The following HECW1 variants were observed in gnomAD, a reference collection of about 807,000 sequenced individuals.
HECW1 encodes E3 ubiquitin-protein ligase HECW1.
Under a neutral mutation model 182.3 loss-of-function variants are expected in HECW1, and 61 were observed. The observed-to-expected ratio is 0.33, with a 90% confidence interval of 0.27 to 0.41. The LOEUF is 0.41. HECW1 is among the 10% of genes least tolerant of loss of function. HECW1 has a pLI of 1.00. For missense variants in HECW1, 1,739 were observed against 2,108.9 expected (o/e 0.82, Z 3.44); for synonymous variants, 859 against 832.6 (o/e 1.03, Z -0.55).
intron 8 of HECW1, among the ~76,000 whole-genome samples, chr7:43,433,482 G>A (rs2076614392): frequency 6.6e-6 from 1 of 152,198 alleles, no homozygotes; most frequent in Admixed American, 6.5e-5. Context: ...CCAAGGCTAA[G>A]ACCCACTGGT....
chr7:43,479,755 C>G lies in HECW1; in HGVS notation c.3234+11C>G. 1.2e-6 allele frequency: 2 copies of G among 1,613,808 alleles called. No homozygotes were observed. The highest frequency in any genetic ancestry group is 8.5e-7 in the Non-Finnish European group (1 of 1,179,754). ...TACAGCGCTGGAGAGGTAACCCTCC[C>G]TACACCCCGCCCTACTGTTCACCGG... On this transcript the variant is annotated intron_variant, in intron 17 of 29. Transcript: ENST00000395891.
intron 8 of HECW1, among the ~76,000 whole-genome samples, chr7:43,414,751 A>G (rs910978115): frequency 6.0e-5 from 9 of 149,684 alleles, no homozygotes; most frequent in Non-Finnish European, 1.0e-4. Context: ...TATATGCTGG[A>G]TTACATTTAT....
At chr7:43,491,196 G>A (rs1014525191) in intron 17 of HECW1, among the ~76,000 whole-genome samples, 5 of 152,244 alleles carry the variant, frequency 3.3e-5, no homozygotes, top group Non-Finnish European at 7.3e-5. Context: ...GAGTAAACAA[G>A]TGCTTTGCAG....
rs749449401 is a variant in HECW1, at chr7:43,360,877, G to T, written c.461-9G>T. 1.7e-5 allele frequency: 27 copies of T among 1,610,950 alleles called. No individual in the cohort carries two copies. In the East Asian group the frequency reaches 6.0e-4, roughly 36 times the overall value. ...TACTTCTCAGTCTCATTTTTTGTTTGTCTTTCAGCTGAAACTAAGATCTGC... is the reference window on the plus strand; with the variant it reads ...TACTTCTCAGTCTCATTTTTTGTTTTTCTTTCAGCTGAAACTAAGATCTGC... On this transcript the variant is annotated splice_polypyrimidine_tract_variant and intron_variant, in intron 5 of 29. Transcript: ENST00000395891.
chr7:43,468,924 C>T lies in HECW1; in HGVS notation c.2918C>T (p.Ala973Val). 2 of 1,614,092 alleles carry T rather than the reference C, an allele frequency of 1.2e-6. No individual in the cohort carries two copies. Among genetic ancestry groups the T allele is most frequent in the Non-Finnish European group, 1.7e-6 (2 of 1,179,976 alleles). The change falls in exon 16 of 30, where the codon GCC (alanine) becomes GTC (valine). Residue 973 changes from alanine (A) to valine (V), a missense_variant. By Grantham distance (64) the Ala-to-Val change is moderately conservative (BLOSUM62 0). This residue lies in a region of HECW1 where 971 missense variants were observed against 1,029.1 expected (regional missense o/e 0.94). Transcript: ENST00000395891. ...FFTVLHANYS[A>V]YRVFTSSTCL... is the part of the protein sequence containing the mutation. ...GTCCGCCCTGACCTGTCTCAGAGTG[C>T]CTACCGAGTCTTCACCAGTAGCACC...
intron 5 of HECW1, among the ~76,000 whole-genome samples, chr7:43,352,322 C>T (rs1436788252): frequency 6.6e-6 from 1 of 152,056 alleles, no homozygotes; most frequent in Non-Finnish European, 1.5e-5. Flanking sequence ...TCGAAACTTG[C>T]TTATACTAAA....
chr7:43,120,549 G>A (rs1032772735), intron 2 of HECW1, among the ~76,000 whole-genome samples: 1 of 152,120 alleles, frequency 6.6e-6, no homozygotes, highest in African/African-American at 2.4e-5. Flanking sequence ...CTGACTGACC[G>A]AATGATGTAA....
At position 43,463,682 on chromosome 7, in the gene HECW1, A is replaced by G; in HGVS notation, c.2674A>G (p.Ile892Val). ...AAGGTATCAAAACATTCAGCGAACCATTGCAACAGAGAGGTCCGAAGAAGA... is the reference window on the plus strand; with the variant it reads ...AAGGTATCAAAACATTCAGCGAACCGTTGCAACAGAGAGGTCCGAAGAAGA... ...NRRYQNIQRT[I>V]ATERSEEDSG... is the part of the protein sequence containing the mutation. Residue 892 changes from isoleucine to valine, a missense_variant, in exon 14 of 30, where the codon ATT becomes GTT. Transcript: ENST00000395891. The G allele has an allele frequency of 6.2e-7, 1 of 1,613,988 alleles. No individual in the cohort carries two copies.
At chr7:43,190,403 C>A (rs771729503) in intron 2 of HECW1, among the ~76,000 whole-genome samples, 3 of 152,132 alleles carry the variant, frequency 2.0e-5, no homozygotes, top group African/African-American at 7.2e-5. Flanking sequence ...TGAGCCCCTG[C>A]GCCTGGCCAG....
At chr7:43,516,267 AGGAG>A (rs1250860497) in intron 24 of HECW1, among the ~76,000 whole-genome samples, 2 of 152,180 alleles carry the variant, frequency 1.3e-5, no homozygotes, top group African/African-American at 4.8e-5. Context: ...AAAAAAAGAA[AGGAG>A]GGAGGGAAGA....
At chr7:43,463,843 G>C (rs1231852894) in intron 14 of HECW1, 44 bp downstream of exon 14, 1 of 1,602,838 alleles carries the variant, frequency 6.2e-7, no homozygotes, top group Non-Finnish European at 8.5e-7. Flanking sequence ...GCTTTCAGGG[G>C]CTGTGTGACA....
chr7:43,218,852 G>T (rs1044916662), intron 2 of HECW1, among the ~76,000 whole-genome samples: 3 of 152,178 alleles, frequency 2.0e-5, no homozygotes. Flanking sequence ...GACACACGTG[G>T]AGTGGTTTTA....
At chr7:43,226,558 C>T (rs370492415) in intron 2 of HECW1, among the ~76,000 whole-genome samples, 4 of 152,304 alleles carry the variant, frequency 2.6e-5, no homozygotes, top group East Asian at 1.9e-4. Context: ...AGGTCGAAAA[C>T]GACAGTAAAG....
At chr7:43,459,639 G>T (rs1486250044) in intron 13 of HECW1, among the ~76,000 whole-genome samples, 1 of 151,980 alleles carries the variant, frequency 6.6e-6, no homozygotes, top group African/African-American at 2.4e-5. Flanking sequence ...CCGGGTTCAA[G>T]CGATTCTCCT....
intron 8 of HECW1, among the ~76,000 whole-genome samples, chr7:43,428,078 G>T (rs185332265): frequency 2.0e-5 from 3 of 152,160 alleles, no homozygotes; most frequent in Non-Finnish European, 4.4e-5. Flanking sequence ...GTGTACACAG[G>T]GGGCAGGAAT....
intron 3 of HECW1, among the ~76,000 whole-genome samples, chr7:43,286,322 C>T (rs1426329175): frequency 1.3e-5 from 2 of 152,160 alleles, no homozygotes; most frequent in Non-Finnish European, 2.9e-5. Flanking sequence ...GCCATCAAGA[C>T]TGCCCAAGCC....
At chr7:43,439,610 T>TA (rs2076818154) in intron 9 of HECW1, 1 of 152,314 alleles carries the variant, frequency 6.6e-6, no homozygotes, top group Admixed American at 6.5e-5. Flanking sequence ...ATGCATTAGA[T>TA]AGATACCAGT....
In HECW1 at chr7:43,336,114, CTTTCTT is replaced by C. The variant is rs1562853394; in HGVS notation, c.460+15374_460+15379del. On this transcript the variant is annotated intron_variant, in intron 5 of 29. Coordinates refer to ENST00000395891, the MANE Select transcript of HECW1 (RefSeq NM_015052.5). ...CTCTTTCTTTCTTTCTTCTTTCTTT[CTTTCTT>C]TCTTTCTCTCTCTCTCTCTCTCTTT... Among the ~76,000 whole-genome samples, 192 of 106,390 alleles carry C rather than the reference CTTTCTT, an allele frequency of 1.8e-3. 7 individuals are homozygous for C. The highest frequency in any genetic ancestry group is 7.5e-3 in the African/African-American group (188 of 25,188). 69.8% of individuals were successfully genotyped at this position (106,390 alleles called of 152,430 possible).
At chr7:43,369,479 TAAAG>T in intron 6 of HECW1, among the ~76,000 whole-genome samples, 1 of 151,970 alleles carries the variant, frequency 6.6e-6, no homozygotes, top group Admixed American at 6.6e-5. Flanking sequence ...AATAAAAAAA[TAAAG>T]AGACAATTTG....
Sources: gnomAD v4.1 joint callset for allele counts (sites outside exome capture counted in the v4.1 genomes callset) on GRCh38, gnomAD v4.1.1 for gene constraint, gnomAD v4.1.1 regional missense constraint, MANE v1.5 for transcripts, NCBI Gene and HGNC (gene_info 2026-07-23, HGNC 2026-07-21) for gene names.